The following WNT7A variants were observed in gnomAD, a reference collection of about 807,000 sequenced individuals.
The protein encoded by WNT7A is Wnt family member 7A.
In WNT7A, 16 loss-of-function variants were observed where a neutral mutation model predicts 28.2. That is an observed-to-expected ratio of 0.57 (90% confidence interval 0.38 to 0.86). WNT7A has a LOEUF of 0.86. Among genes scored for constraint, WNT7A ranks in the 40% least tolerant of loss-of-function variants. The pLI is 0.00. For missense variants in WNT7A, 411 were observed against 489.7 expected (o/e 0.84, Z 1.52); for synonymous variants, 190 against 195.9 (o/e 0.97, Z 0.25).
At chr3:13,856,880 GGAAGAAGAAGAAAAAGAA>G (rs1426334704) in intron 2 of WNT7A, among the ~76,000 whole-genome samples, 1,900 of 90,694 alleles carry the variant, frequency 0.021, 42 homozygotes, top group East Asian at 0.062. Context: ...AGGAAGAAGA[GGAAGAAGAAGAAAAAGAA>G]GAAGAAGAAG....
At chr3:13,856,950 GAAGAAGAAGAAGAAGAAGGAGA>G in intron 2 of WNT7A, among the ~76,000 whole-genome samples, 1 of 123,040 alleles carries the variant, frequency 8.1e-6, no homozygotes, top group Non-Finnish European at 1.6e-5. Context: ...AGAAGAAGAA[GAAGAAGAAGAAGAAGAAGGAGA>G]AGAAGAAGAA....
chr3:13,819,151 G>A lies in WNT7A; in HGVS notation c.843C>T (p.Asp281=), dbSNP rs1694068739. The part of the protein sequence containing the change: ...IEKSPNYCEE[D]PVTGSVGTQG... ...GGGTGCCCACACTGCCGGTCACCGG[G>A]TCCTCCTCGCAGTAGTTGGGCGACT... Residue 281 remains aspartate, a synonymous_variant, in exon 4 of 4, where the codon GAC becomes GAT. Coordinates refer to ENST00000285018, the MANE Select transcript of WNT7A (RefSeq NM_004625.4). 1 of 1,614,232 alleles carries A rather than the reference G, an allele frequency of 6.2e-7. No homozygotes were observed. Among genetic ancestry groups the A allele is most frequent in the African/African-American group, 1.3e-5 (1 of 75,070 alleles).
chr3:13,851,722 A>C (rs182661958), intron 3 of WNT7A, among the ~76,000 whole-genome samples: 4 of 152,342 alleles, frequency 2.6e-5, no homozygotes, highest in Non-Finnish European at 5.9e-5. Flanking sequence ...AAAGCCACAA[A>C]GATTCCACCA....
At chr3:13,820,571 A>G (rs1694091740) in intron 3 of WNT7A, among the ~76,000 whole-genome samples, 1 of 152,156 alleles carries the variant, frequency 6.6e-6, no homozygotes, top group African/African-American at 2.4e-5. Context: ...TCTAACATAT[A>G]GTGAAGACAA....
chr3:13,850,115 A>G (rs1694604155), intron 3 of WNT7A, among the ~76,000 whole-genome samples: 1 of 152,226 alleles, frequency 6.6e-6, no homozygotes, highest in Admixed American at 6.5e-5. Flanking sequence ...TTCCATTCGC[A>G]AGGGCAAGAA....
chr3:13,834,410 C>T (rs190561682), intron 3 of WNT7A, among the ~76,000 whole-genome samples: 3 of 151,976 alleles, frequency 2.0e-5, no homozygotes, highest in South Asian at 2.1e-4. Flanking sequence ...GTCAGGGGCA[C>T]GCTGTGGGTC....
intron 3 of WNT7A, among the ~76,000 whole-genome samples, chr3:13,843,064 G>A (rs2124847042): frequency 6.6e-6 from 1 of 152,196 alleles, no homozygotes; most frequent in Admixed American, 6.5e-5. Context: ...GTGTCCTGTG[G>A]CCCTCCCTGC....
chr3:13,825,612 T>G (rs2124830332), intron 3 of WNT7A, among the ~76,000 whole-genome samples: 1 of 151,966 alleles, frequency 6.6e-6, no homozygotes. Flanking sequence ...CCCATAGGAG[T>G]GGGTTCCAAC....
intron 1 of WNT7A, among the ~76,000 whole-genome samples, chr3:13,877,655 A>G (rs1695129895): frequency 1.3e-5 from 2 of 152,040 alleles, no homozygotes; most frequent in African/African-American, 4.8e-5. Context: ...TCTGCACTTC[A>G]GTTTCTCCAT....
In WNT7A at chr3:13,856,987, GAGAAGA is replaced by G. The variant is rs111694534; in HGVS notation, c.299-2190_299-2185del. Among the ~76,000 whole-genome samples, 156 of 71,636 alleles carry G rather than the reference GAGAAGA, an allele frequency of 2.2e-3. 1 individual carries two copies. The highest frequency in any genetic ancestry group is 0.01 in the African/African-American group (136 of 13,076). 47.0% of individuals were successfully genotyped at this position (71,636 alleles called of 152,430 possible). A position where few individuals can be genotyped will look rare whatever the true frequency, so the allele number is the denominator to read the frequency against. On this transcript the variant is annotated intron_variant, in intron 2 of 3. Transcript: ENST00000285018. The stretch of plus-strand genomic sequence containing the variant: ...GAAGAAGGAGAAGAAGAAGAAGAAG[GAGAAGA>G]AGAAGAAGAAGAAGGAAGAAAACAT...
intron 3 of WNT7A, among the ~76,000 whole-genome samples, chr3:13,837,166 C>T (rs768839276): frequency 4.6e-5 from 7 of 152,240 alleles, no homozygotes; most frequent in South Asian, 2.1e-4. Context: ...CTCTCAGCCC[C>T]GCCAAAACCC....
At chr3:13,859,462 A>T (rs1343206672) in intron 2 of WNT7A, among the ~76,000 whole-genome samples, 1 of 152,196 alleles carries the variant, frequency 6.6e-6, no homozygotes, top group Non-Finnish European at 1.5e-5. Flanking sequence ...AGTAGTGAGC[A>T]TTATAATTAT....
rs561796756 is a variant in WNT7A, at chr3:13,817,344, A to G, written c.*1600T>C. 2 of 152,500 alleles carry G rather than the reference A, an allele frequency of 1.3e-5. No homozygotes were observed. The highest frequency in any genetic ancestry group is 4.1e-4 in the South Asian group (2 of 4,830). 9.4% of individuals were successfully genotyped at this position (152,500 alleles called of 1,614,324 possible). On this transcript the variant is annotated 3_prime_UTR_variant, in exon 4 of 4. Coordinates refer to ENST00000285018, the MANE Select transcript of WNT7A (RefSeq NM_004625.4). ...TTGGGTAGCACGGAAACACACAGACACATACACACACGAGTACGGCGGAGG... is the reference window on the plus strand; with the variant it reads ...TTGGGTAGCACGGAAACACACAGACGCATACACACACGAGTACGGCGGAGG...
intron 2 of WNT7A, among the ~76,000 whole-genome samples, chr3:13,874,044 G>A (rs1695064964): frequency 6.6e-6 from 1 of 152,328 alleles, no homozygotes; most frequent in South Asian, 2.1e-4. Context: ...GGATGGCCAG[G>A]AGCAACAGGG....
intron 3 of WNT7A, among the ~76,000 whole-genome samples, chr3:13,820,680 G>A (rs1694093394): frequency 6.6e-6 from 1 of 152,098 alleles, no homozygotes; most frequent in African/African-American, 2.4e-5. Context: ...CAAGATGCTG[G>A]GGATACTGAG....
chr3:13,843,671 T>G lies in WNT7A; in HGVS notation c.570+10861A>C, dbSNP rs570364341. Among the ~76,000 whole-genome samples the G allele has an allele frequency of 9.3e-5, 14 of 150,998 alleles. No individual in the cohort carries two copies. The South Asian group carries it at 3.0e-3, about 32-fold the overall frequency. On this transcript the variant is annotated intron_variant, in intron 3 of 3. Transcript: ENST00000285018. ...CTCACCTGGAGGAAAGCTGTGAGAC[T>G]TGGCCAGGAAAAGATGTTGAAAAAA... is the stretch of plus-strand genomic sequence containing the variant.
At chr3:13,863,083 G>T (rs1475885529) in intron 2 of WNT7A, among the ~76,000 whole-genome samples, 1 of 152,156 alleles carries the variant, frequency 6.6e-6, no homozygotes, top group South Asian at 2.1e-4. Context: ...ACCTCCCAGG[G>T]TTGTTGGGAG....
At chr3:13,867,997 C>T (rs1438170636) in intron 2 of WNT7A, among the ~76,000 whole-genome samples, 1 of 152,112 alleles carries the variant, frequency 6.6e-6, no homozygotes, top group Non-Finnish European at 1.5e-5. Context: ...CAATTCAATC[C>T]AACCAAAATG....
intron 3 of WNT7A, among the ~76,000 whole-genome samples, chr3:13,840,056 C>A (rs1024202593): frequency 1.9e-4 from 29 of 152,332 alleles, no homozygotes; most frequent in African/African-American, 7.0e-4. Flanking sequence ...CACTCTCTAA[C>A]ACATCTCTCT....
Sources: allele counts gnomAD v4.1 joint callset (sites outside exome capture counted in the v4.1 genomes callset), GRCh38; gene constraint gnomAD v4.1.1; transcripts MANE v1.5; gene names NCBI Gene and HGNC (gene_info 2026-07-23, HGNC 2026-07-21).